The following PIK3CB variants were observed in gnomAD, a reference collection of about 807,000 sequenced individuals.
PIK3CB encodes the protein phosphatidylinositol-4,5-bisphosphate 3-kinase catalytic subunit beta.
PIK3CB carries 39 observed loss-of-function variants against 136.8 expected under a neutral mutation model. The observed-to-expected ratio is 0.29, with a 90% confidence interval of 0.22 to 0.37. The LOEUF (loss-of-function observed/expected upper bound fraction) is 0.37, where lower values mean the gene tolerates loss of function less well. Among genes scored for constraint, PIK3CB ranks in the 10% least tolerant of loss-of-function variants. The pLI, the probability that PIK3CB is intolerant of heterozygous loss-of-function variation, is 1.00. For missense variants in PIK3CB, 868 were observed against 1,275.4 expected (o/e 0.68, Z 4.87); for synonymous variants, 428 against 436.6 (o/e 0.98, Z 0.25).
intron 1 of PIK3CB, among the ~76,000 whole-genome samples, chr3:138,813,047 T>C (rs951046443): frequency 6.6e-6 from 1 of 152,174 alleles, no homozygotes; most frequent in Admixed American, 6.5e-5. Context: ...TGGAGTATTA[T>C]GGGTAAAGGA....
intron 1 of PIK3CB, among the ~76,000 whole-genome samples, chr3:138,819,299 A>T (rs1365237619): frequency 6.6e-6 from 1 of 151,812 alleles, no homozygotes; most frequent in East Asian, 1.9e-4. Context: ...GTTAGCCGAG[A>T]TTGCGCCATT....
intron 1 of PIK3CB, among the ~76,000 whole-genome samples, chr3:138,805,360 A>C (rs1307652241): frequency 6.7e-6 from 1 of 150,140 alleles, no homozygotes; most frequent in Non-Finnish European, 1.5e-5. Flanking sequence ...ACAACAACAA[A>C]ATCAGTATTT....
intron 8 of PIK3CB, among the ~76,000 whole-genome samples, chr3:138,720,383 C>T (rs1018122615): frequency 2.6e-5 from 4 of 152,200 alleles, no homozygotes; most frequent in South Asian, 4.1e-4. Flanking sequence ...CAACAACCAA[C>T]ACCTCTTTCT....
chr3:138,673,856 A>G (rs948174972), intron 19 of PIK3CB, among the ~76,000 whole-genome samples: 3 of 152,182 alleles, frequency 2.0e-5, no homozygotes, highest in Non-Finnish European at 2.9e-5. Flanking sequence ...AAGAAAAATG[A>G]AGTTGGAGCT....
rs1934039492 is a variant in PIK3CB, at chr3:138,831,589, A to G, written c.-122+3106T>C. On this transcript the variant is annotated intron_variant, in intron 1 of 23. Transcript: ENST00000674063. The stretch of plus-strand genomic sequence containing the variant: ...AACAAGGGCAAAACTCAGTCTCTAA[A>G]TAAGTAAATAAATAAAAACAAAATA... Among the ~76,000 whole-genome samples, 3 of 151,544 alleles carry G rather than the reference A, an allele frequency of 2.0e-5. No individual in the cohort carries two copies. The South Asian group carries it at 6.2e-4, about 31-fold the overall frequency.
chr3:138,708,643 A>T, intron 10 of PIK3CB, among the ~76,000 whole-genome samples: 1 of 149,278 alleles, frequency 6.7e-6, no homozygotes. Context: ...GGGTCTTGCC[A>T]CATTGCCCAG....
chr3:138,691,265 T>TA (rs769626217), intron 14 of PIK3CB, 122 bp from the exon 15 acceptor site: 100 of 846,754 alleles, frequency 1.2e-4, no homozygotes, highest in Non-Finnish European at 1.6e-4. Flanking sequence ...CCAGGCTTGT[T>TA]ACATGCTTTC....
intron 1 of PIK3CB, among the ~76,000 whole-genome samples, chr3:138,821,351 T>C (rs1199945753): frequency 6.6e-6 from 1 of 151,754 alleles, no homozygotes; most frequent in East Asian, 1.9e-4. Flanking sequence ...ATGCCTGTAA[T>C]CCCAGCACTT....
At chr3:138,784,202 A>G (rs1355991612) in intron 2 of PIK3CB, among the ~76,000 whole-genome samples, 3 of 152,182 alleles carry the variant, frequency 2.0e-5, no homozygotes, top group East Asian at 3.9e-4. Flanking sequence ...CCTGACCAAC[A>G]TGGTGAAACC....
intron 1 of PIK3CB, among the ~76,000 whole-genome samples, chr3:138,799,396 G>A (rs1183499679): frequency 6.6e-6 from 1 of 151,804 alleles, no homozygotes; most frequent in African/African-American, 2.4e-5. Context: ...GGCCAGGCTG[G>A]TCTTGAACTC....
intron 12 of PIK3CB, among the ~76,000 whole-genome samples, chr3:138,701,937 T>C (rs929085275): frequency 2.7e-5 from 4 of 150,418 alleles, no homozygotes; most frequent in Non-Finnish European, 5.9e-5. Flanking sequence ...AGAAACTATA[T>C]ATATATATAG....
At chr3:138,662,465 T>C (rs1183864424) in intron 21 of PIK3CB, among the ~76,000 whole-genome samples, 1 of 151,284 alleles carries the variant, frequency 6.6e-6, no homozygotes, top group Non-Finnish European at 1.5e-5. Context: ...GGCTGCATAG[T>C]ATTCCATGGT....
chr3:138,739,594 C>T (rs1477695077), intron 5 of PIK3CB, among the ~76,000 whole-genome samples: 1 of 151,150 alleles, frequency 6.6e-6, no homozygotes, highest in East Asian at 2.0e-4. Flanking sequence ...CTAGTACTTC[C>T]CAGCTTTCAG....
rs550745634 is a variant in PIK3CB, at chr3:138,652,812, T to C, written c.*2577A>G. ...GTAATGGATACCCCAATTACCCTGA[T>C]GCGATAATTACATGTTATATGCCTG... is the stretch of plus-strand genomic sequence containing the variant. On this transcript the variant is annotated 3_prime_UTR_variant, in exon 24 of 24. Transcript: ENST00000674063. The C allele has an allele frequency of 4.9e-5, 11 of 222,560 alleles. No homozygotes were observed. The South Asian group carries it at 2.0e-3, about 41-fold the overall frequency. The allele number at this position is 222,560 out of a possible 1,614,324, so 13.8% of individuals were successfully genotyped here. A position where few individuals can be genotyped will look rare whatever the true frequency, so the allele number is the denominator to read the frequency against.
chr3:138,744,090 T>C (rs2045296963), intron 4 of PIK3CB, among the ~76,000 whole-genome samples: 2 of 151,972 alleles, frequency 1.3e-5, no homozygotes, highest in Admixed American at 1.3e-4. Flanking sequence ...TATTTACTAT[T>C]TATTAAGAGG....
At chr3:138,703,666 G>C (rs2044305727) in intron 12 of PIK3CB, among the ~76,000 whole-genome samples, 1 of 152,012 alleles carries the variant, frequency 6.6e-6, no homozygotes, top group African/African-American at 2.4e-5. Flanking sequence ...AGCAACCCAA[G>C]TCAACAAAGT....
chr3:138,692,852 G>A (rs1043595178), intron 14 of PIK3CB, among the ~76,000 whole-genome samples: 3 of 152,162 alleles, frequency 2.0e-5, no homozygotes, highest in African/African-American at 7.2e-5. Flanking sequence ...CATTTCTTCA[G>A]TGAATCTCAT....
chr3:138,726,871 G>A (rs1308630065), intron 8 of PIK3CB, among the ~76,000 whole-genome samples: 1 of 140,732 alleles, frequency 7.1e-6, no homozygotes, highest in African/African-American at 2.6e-5. Context: ...GTGAAATCTC[G>A]TCTCTATAAA....
chr3:138,707,455 G>A, intron 10 of PIK3CB, 166 bp from the exon 11 acceptor site: 1 of 1,353,006 alleles, frequency 7.4e-7, no homozygotes, highest in Non-Finnish European at 9.4e-7. Flanking sequence ...TTAATGCTTG[G>A]AACAAAATTT....
Sources: gnomAD v4.1 joint callset for allele counts (sites outside exome capture counted in the v4.1 genomes callset) on GRCh38, gnomAD v4.1.1 for gene constraint, MANE v1.5 for transcripts, NCBI Gene and HGNC (gene_info 2026-07-23, HGNC 2026-07-21) for gene names.